The following DLC1 variants were observed in gnomAD, a reference collection of about 807,000 sequenced individuals.
The protein encoded by DLC1 is DLC1 Rho GTPase activating protein.
DLC1 carries 54 observed loss-of-function variants against 140.3 expected under a neutral mutation model. That is an observed-to-expected ratio of 0.38 (90% confidence interval 0.31 to 0.48). The LOEUF (loss-of-function observed/expected upper bound fraction) is 0.48, where lower values mean the gene tolerates loss of function less well. Among genes scored for constraint, DLC1 ranks in the 20% least tolerant of loss-of-function variants. The probability of loss-of-function intolerance (pLI) is 0.96; values close to 1 mark genes in which losing one functional copy is unlikely to be tolerated. For missense variants in DLC1, 2,536 were observed against 1,907.0 expected (o/e 1.33, Z -6.14); for synonymous variants, 986 against 728.1 (o/e 1.35, Z -5.70).
intron 1 of DLC1, among the ~76,000 whole-genome samples, chr8:13,578,878 A>T (rs74359723): frequency 0.029 from 4,394 of 152,022 alleles, 236 homozygotes; most frequent in Admixed American, 0.12. Flanking sequence ...ATGATTAAGT[A>T]AATCTATGGC....
intron 5 of DLC1, among the ~76,000 whole-genome samples, chr8:13,211,985 T>C (rs1827969971): frequency 2.0e-5 from 3 of 152,124 alleles, no homozygotes; most frequent in South Asian, 2.1e-4. Flanking sequence ...CGAGGTTAAA[T>C]AAATCATAAC....
chr8:13,217,445 A>C (rs772225460), intron 5 of DLC1, among the ~76,000 whole-genome samples: 4 of 152,190 alleles, frequency 2.6e-5, no homozygotes, highest in Non-Finnish European at 5.9e-5. Context: ...GAGCCACTCA[A>C]TAGCCATGTT....
intron 10 of DLC1, 87 bp downstream of exon 10, chr8:13,098,312 T>G: frequency 6.9e-7 from 1 of 1,448,650 alleles, no homozygotes; most frequent in Non-Finnish European, 9.5e-7. Flanking sequence ...AGGAGAGAAG[T>G]GTCATTTTTT....
At chr8:13,337,904 C>G (rs897559041) in intron 4 of DLC1, among the ~76,000 whole-genome samples, 3 of 152,058 alleles carry the variant, frequency 2.0e-5, no homozygotes, top group African/African-American at 7.2e-5. Flanking sequence ...AAAAAAATCC[C>G]CATATAGGAA....
intron 2 of DLC1, among the ~76,000 whole-genome samples, chr8:13,483,052 C>T (rs1800808021): frequency 6.6e-6 from 1 of 152,186 alleles, no homozygotes; most frequent in African/African-American, 2.4e-5. Flanking sequence ...GTGCTTTTCT[C>T]AGAAGGCTCT....
chr8:13,321,632 C>G (rs1335548689), intron 4 of DLC1, among the ~76,000 whole-genome samples: 1 of 150,744 alleles, frequency 6.6e-6, no homozygotes. Context: ...GAAGCCTTGT[C>G]CTCTTTCCAG....
At chr8:13,467,772 A>G (rs901815385) in intron 2 of DLC1, among the ~76,000 whole-genome samples, 1 of 152,084 alleles carries the variant, frequency 6.6e-6, no homozygotes, top group Non-Finnish European at 1.5e-5. Context: ...TTTTCCAAAT[A>G]CTTTTTCTGC....
intron 5 of DLC1, among the ~76,000 whole-genome samples, chr8:13,303,481 A>G (rs187601671): frequency 2.6e-5 from 4 of 152,154 alleles, no homozygotes; most frequent in Admixed American, 2.6e-4. Flanking sequence ...TGGTTACATT[A>G]TATTTATGTT....
At chr8:13,582,415 G>T (rs560157853) in intron 1 of DLC1, among the ~76,000 whole-genome samples, 3 of 152,278 alleles carry the variant, frequency 2.0e-5, no homozygotes, top group African/African-American at 7.2e-5. Flanking sequence ...TGAGTCAGTG[G>T]ACTGGGGAAG....
intron 5 of DLC1, among the ~76,000 whole-genome samples, chr8:13,132,337 GC>G (rs1281463890): frequency 6.6e-6 from 1 of 151,656 alleles, no homozygotes; most frequent in Non-Finnish European, 1.5e-5. Flanking sequence ...GACTTCCCTG[GC>G]CAGGTCTGAG....
At chr8:13,218,283 ACTC>A (rs1828307639) in intron 5 of DLC1, among the ~76,000 whole-genome samples, 1 of 151,984 alleles carries the variant, frequency 6.6e-6, no homozygotes, top group Non-Finnish European at 1.5e-5. Flanking sequence ...AAACTATAAA[ACTC>A]CTAGAAGAAA....
intron 4 of DLC1, among the ~76,000 whole-genome samples, chr8:13,311,913 C>CT (rs1053345934): frequency 6.6e-6 from 1 of 152,138 alleles, no homozygotes; most frequent in African/African-American, 2.4e-5. Context: ...GCTGGTGACT[C>CT]TGTCTTCAAC....
chr8:13,536,529 G>A (rs1238009072), intron 1 of DLC1, among the ~76,000 whole-genome samples: 1 of 152,106 alleles, frequency 6.6e-6, no homozygotes, highest in African/African-American at 2.4e-5. Context: ...CATTAAGAAG[G>A]CAATTGCTCT....
intron 5 of DLC1, among the ~76,000 whole-genome samples, chr8:13,193,243 A>G (rs774313079): frequency 3.9e-5 from 6 of 152,242 alleles, no homozygotes; most frequent in Admixed American, 2.0e-4. Flanking sequence ...TGACTTTTCA[A>G]AAGACCATAA....
chr8:13,591,944 C>T (rs1414057442), intron 1 of DLC1, among the ~76,000 whole-genome samples: 1 of 151,924 alleles, frequency 6.6e-6, no homozygotes, highest in African/African-American at 2.4e-5. Context: ...CTTGGATATT[C>T]TTGTGGAGTT....
chr8:13,586,814 A>G (rs900064), intron 1 of DLC1, among the ~76,000 whole-genome samples: 67,093 of 151,840 alleles, frequency 0.44, 16,269 homozygotes, highest in South Asian at 0.6. Context: ...TGAAGTGCCT[A>G]TAGATAGTAT....
rs774118402 is a variant in DLC1, at chr8:13,091,366, G to A, written c.3807C>T (p.Ala1269=). The A allele has an allele frequency of 1.2e-6, 2 of 1,614,122 alleles. No homozygotes were observed. Among genetic ancestry groups the A allele is most frequent in the South Asian group, 2.2e-5 (2 of 91,082 alleles). ...CGATCATATGGGCCAGCCCTTGAGT[G>A]GCAGCTAGGTTTTCATTCAAATCTT... ...DQKDLNENLA[A]TQGLAHMIAE... is the part of the protein sequence containing the mutation. Residue 1269 remains alanine, a synonymous_variant, in exon 14 of 18, where the codon GCC becomes GCT. Coordinates refer to ENST00000276297, the MANE Select transcript of DLC1 (RefSeq NM_182643.3).
At chr8:13,177,227 T>C (rs1397342507) in intron 5 of DLC1, among the ~76,000 whole-genome samples, 2 of 152,160 alleles carry the variant, frequency 1.3e-5, no homozygotes, top group African/African-American at 4.8e-5. Flanking sequence ...TTAGGAACAA[T>C]TTTTGGGGGG....
chr8:13,560,939 A>G (rs984969719), intron 1 of DLC1, among the ~76,000 whole-genome samples: 6 of 152,060 alleles, frequency 3.9e-5, no homozygotes, highest in African/African-American at 1.4e-4. Context: ...CAGTGATAAT[A>G]TCCTTTACAA....
Sources: gnomAD v4.1 joint callset for allele counts (sites outside exome capture counted in the v4.1 genomes callset) on GRCh38, gnomAD v4.1.1 for gene constraint, MANE v1.5 for transcripts, NCBI Gene and HGNC (gene_info 2026-07-23, HGNC 2026-07-21) for gene names.